Variants in HCN4 observed in about 807,000 individuals in gnomAD.
The protein encoded by HCN4 is hyperpolarization activated cyclic nucleotide gated potassium channel 4.
HCN4 carries 29 observed loss-of-function variants against 76.9 expected under a neutral mutation model. The ratio of observed to expected loss-of-function variants is 0.38; its 90% CI spans 0.28 to 0.51. The LOEUF (loss-of-function observed/expected upper bound fraction) is 0.51, where lower values mean the gene tolerates loss of function less well. Among genes scored for constraint, HCN4 ranks in the 20% least tolerant of loss-of-function variants. The pLI is 0.90. For synonymous variants in HCN4, 772 were observed against 762.5 expected (o/e 1.01, Z -0.21); for missense variants, 1,416 against 1,715.2 (o/e 0.83, Z 3.08).
chr15:73,322,862 G>A lies in HCN4; in HGVS notation c.3231C>T (p.Gly1077=). 1 of 1,494,070 alleles carries A rather than the reference G, an allele frequency of 6.7e-7. No homozygotes were observed. The highest frequency in any genetic ancestry group is 8.9e-7 in the Non-Finnish European group (1 of 1,125,542). The allele number at this position is 1,494,070 out of a possible 1,614,324, so 92.6% of individuals were successfully genotyped here. A position where few individuals can be genotyped will look rare whatever the true frequency, so the allele number is the denominator to read the frequency against. ...QRRGTPPLTP[G]RLTQDLKLIS... ...TGAGCTTGAGGTCCTGGGTGAGGCG[G>A]CCGGGGGTGAGCGGGGGTGTGCCCC... The change falls in exon 8 of 8, where the codon GGC becomes GGT. Residue 1077 remains glycine (G), a synonymous_variant. Coordinates refer to ENST00000261917, the MANE Select transcript of HCN4 (RefSeq NM_005477.3).
chr15:73,367,870 T>A lies in HCN4; in HGVS notation c.401A>T (p.Glu134Val). The change falls in exon 1 of 8, where the codon GAG becomes GTG. Residue 134 changes from glutamate (E) to valine (V), a missense_variant. Glu to Val is a moderately radical substitution (Grantham distance 121). Coordinates refer to ENST00000261917, the MANE Select transcript of HCN4 (RefSeq NM_005477.3). The surrounding 1 kb of genome is among the most constrained non-coding windows in gnomAD (Gnocchi z 7.5). ...GTCCTCGCCGGGGGACGCGTCGCCC[T>A]CGGCGATGAGCCGCCGCTCCTCCGC... The part of the protein sequence containing the change: ...DSAEERRLIA[E>V]GDASPGEDRT... The A allele has an allele frequency of 1.5e-6, 2 of 1,333,902 alleles. No homozygotes were observed. Among genetic ancestry groups the A allele is most frequent in the Non-Finnish European group, 1.9e-6 (2 of 1,040,036 alleles). The allele number at this position is 1,333,902 out of a possible 1,614,324, so 82.6% of individuals were successfully genotyped here.
Position 73,323,825 on chromosome 15 carries a change from C to T in HCN4, c.2268G>A (p.Ala756=), listed in dbSNP as rs781114942. 34 of 1,606,106 alleles carry T rather than the reference C, an allele frequency of 2.1e-5. No homozygotes were observed. The East Asian group carries it at 3.3e-4, about 16-fold the overall frequency. ...VQHDREMAHC[A]HRVQAAASAT... The stretch of plus-strand genomic sequence containing the variant: ...CAGAGGCAGCAGCCTGGACGCGGTG[C>T]GCGCAGTGGGCCATCTCCCGGTCAT... Residue 756 remains alanine (A), a synonymous_variant, in exon 8 of 8, where the codon GCG becomes GCA. Coordinates refer to ENST00000261917, the MANE Select transcript of HCN4 (RefSeq NM_005477.3).
Position 73,368,487 on chromosome 15 carries a change from C to A in HCN4, c.-217G>T. The A allele has an allele frequency of 2.9e-6, 1 of 350,600 alleles. No homozygotes were observed. 21.7% of individuals were successfully genotyped at this position (350,600 alleles called of 1,614,324 possible). Reference sequence around the variant, plus strand: ...GGGCTCGCCGCGCTACACCTCCTCCCGGGCCCGGCTGGGCGCGGGGACCCC... The same window carrying A: ...GGGCTCGCCGCGCTACACCTCCTCCAGGGCCCGGCTGGGCGCGGGGACCCC... On this transcript the variant is annotated 5_prime_UTR_variant, in exon 1 of 8. Coordinates refer to ENST00000261917, the MANE Select transcript of HCN4 (RefSeq NM_005477.3). The surrounding 1 kb of genome is among the most constrained non-coding windows in gnomAD (Gnocchi z 6.9).
At chr15:73,366,496 C>T (rs888052244) in intron 1 of HCN4, among the ~76,000 whole-genome samples, 3 of 152,182 alleles carry the variant, frequency 2.0e-5, no homozygotes, top group Non-Finnish European at 2.9e-5. Context: ...TCACGAAAGC[C>T]CAGAGGGGCA....
chr15:73,356,340 A>T (rs1454614205), intron 1 of HCN4, among the ~76,000 whole-genome samples: 2 of 146,510 alleles, frequency 1.4e-5, no homozygotes, highest in Non-Finnish European at 3.0e-5. Context: ...GGCACACACT[A>T]CCATGCCCAG....
At chr15:73,364,271 T>C (rs1378305982) in intron 1 of HCN4, among the ~76,000 whole-genome samples, 1 of 151,724 alleles carries the variant, frequency 6.6e-6, no homozygotes, top group Non-Finnish European at 1.5e-5. Flanking sequence ...AGCTTCCACA[T>C]CCACCCACAC....
chr15:73,339,171 C>A (rs1183679955), intron 2 of HCN4, among the ~76,000 whole-genome samples: 1 of 152,230 alleles, frequency 6.6e-6, no homozygotes, highest in Admixed American at 6.5e-5. Flanking sequence ...TAACAATAGC[C>A]TCCATGCCTG....
At chr15:73,327,520 C>A (rs1241629917) in intron 4 of HCN4, among the ~76,000 whole-genome samples, 3 of 152,158 alleles carry the variant, frequency 2.0e-5, no homozygotes, top group Admixed American at 6.5e-5. Flanking sequence ...ACCCCAGTCA[C>A]AGGCTGGGCA....
chr15:73,348,427 C>T (rs1294735463), intron 1 of HCN4, among the ~76,000 whole-genome samples: 1 of 152,266 alleles, frequency 6.6e-6, no homozygotes, highest in African/African-American at 2.4e-5. Flanking sequence ...CATGCACACC[C>T]ACATGCAATA....
chr15:73,367,860 C>A lies in HCN4; in HGVS notation c.411G>T (p.Ala137=). Residue 137 remains alanine (A), a synonymous_variant, in exon 1 of 8, where the codon GCG becomes GCT. Coordinates refer to ENST00000261917, the MANE Select transcript of HCN4 (RefSeq NM_005477.3). This position sits in a 1 kb window ranked among gnomAD's most constrained non-coding sequence, Gnocchi z 7.5. ...GGGGCGTCCTGTCCTCGCCGGGGGA[C>A]GCGTCGCCCTCGGCGATGAGCCGCC... ...EERRLIAEGD[A]SPGEDRTPPG... is the part of the protein sequence containing the mutation. 2.3e-6 allele frequency: 3 copies of A among 1,313,816 alleles called. No individual in the cohort carries two copies. Among genetic ancestry groups the A allele is most frequent in the Middle Eastern group, 2.8e-4 (1 of 3,522 alleles). The allele number at this position is 1,313,816 out of a possible 1,614,324, so 81.4% of individuals were successfully genotyped here. A position where few individuals can be genotyped will look rare whatever the true frequency, so the allele number is the denominator to read the frequency against.
At chr15:73,341,379 C>T (rs2043001669) in intron 2 of HCN4, among the ~76,000 whole-genome samples, 1 of 152,162 alleles carries the variant, frequency 6.6e-6, no homozygotes, top group Admixed American at 6.5e-5. Flanking sequence ...TGGCCTCAAG[C>T]AATCCACCCA....
intron 1 of HCN4, among the ~76,000 whole-genome samples, chr15:73,356,000 C>G (rs887257174): frequency 6.6e-6 from 1 of 152,168 alleles, no homozygotes; most frequent in Admixed American, 6.5e-5. Flanking sequence ...TCTGTCCTCC[C>G]ACTCAGGAGA....
At position 73,325,383 on chromosome 15, in the gene HCN4, A is replaced by C; in HGVS notation, c.1652T>G (p.Ile551Ser). Reference protein sequence around the residue: ...HKLPPDTRQRIHDYYEHRYQG... With the variant: ...HKLPPDTRQRSHDYYEHRYQG... ...GTAGCGGTGCTCGTAGTAGTCGTGG[A>C]TGCGCTGCCGGGTGTCGGGCGGGAG... Residue 551 changes from isoleucine (I) to serine (S), a missense_variant, in exon 5 of 8, where the codon ATC (isoleucine) becomes AGC (serine). Ile to Ser is a moderately radical substitution (Grantham distance 142). Transcript: ENST00000261917. This position sits in a 1 kb window ranked among gnomAD's most constrained non-coding sequence, Gnocchi z 7.4. 6.2e-7 allele frequency: 1 copy of C among 1,614,082 alleles called. No homozygotes were observed. The highest frequency in any genetic ancestry group is 8.5e-7 in the Non-Finnish European group (1 of 1,179,990).
intron 2 of HCN4, chr15:73,341,097 T>TGTGTGTGTGTGC (rs2042999787): frequency 6.6e-6 from 1 of 151,560 alleles, no homozygotes; most frequent in African/African-American, 2.4e-5. Flanking sequence ...TGTGTGTGTG[T>TGTGTGTGTGTGC]GTGTGTATAA....
chr15:73,359,991 G>T (rs2043097882), intron 1 of HCN4, among the ~76,000 whole-genome samples: 1 of 152,206 alleles, frequency 6.6e-6, no homozygotes. Flanking sequence ...AGGAAGAGGA[G>T]GTGAGCTGGC....
chr15:73,356,053 A>G (rs2043077836), intron 1 of HCN4, among the ~76,000 whole-genome samples: 2 of 152,186 alleles, frequency 1.3e-5, no homozygotes, highest in East Asian at 3.9e-4. Context: ...GCACGGGAGC[A>G]CACCCTCTGG....
chr15:73,343,903 G>T lies in HCN4; in HGVS notation c.786-95C>A, dbSNP rs1595829314. 7.5e-7 allele frequency: 1 copy of T among 1,334,568 alleles called. No individual in the cohort carries two copies. Among genetic ancestry groups the T allele is most frequent in the Admixed American group, 1.7e-5 (1 of 58,094 alleles). The allele number at this position is 1,334,568 out of a possible 1,614,324, so 82.7% of individuals were successfully genotyped here. ...TCTGAGGGACAGCATCTGGGACAGA[G>T]AAGTCTTGGGAGGTTCTGAGACAGG... On this transcript the variant is annotated intron_variant, in intron 1 of 7. Transcript: ENST00000261917. This position sits in a 1 kb window ranked among gnomAD's most constrained non-coding sequence, Gnocchi z 5.7.
Position 73,343,933 on chromosome 15 carries a change from C to T in HCN4, c.786-125G>A. 1 of 933,900 alleles carries T rather than the reference C, an allele frequency of 1.1e-6. No homozygotes were observed. Among genetic ancestry groups the T allele is most frequent in the South Asian group, 1.4e-5 (1 of 73,726 alleles). 57.9% of individuals were successfully genotyped at this position (933,900 alleles called of 1,614,324 possible). A position where few individuals can be genotyped will look rare whatever the true frequency, so the allele number is the denominator to read the frequency against. On this transcript the variant is annotated intron_variant, in intron 1 of 7. Transcript: ENST00000261917. This position sits in a 1 kb window ranked among gnomAD's most constrained non-coding sequence, Gnocchi z 5.7. ...CTTGGGAGGTTCTGAGACAGGAAGACAGGCACATGGGTACCAGGGCAAGAT... is the reference window on the plus strand; with the variant it reads ...CTTGGGAGGTTCTGAGACAGGAAGATAGGCACATGGGTACCAGGGCAAGAT...
At chr15:73,342,693 A>G (rs1180014206) in intron 2 of HCN4, among the ~76,000 whole-genome samples, 1 of 152,202 alleles carries the variant, frequency 6.6e-6, no homozygotes, top group East Asian at 1.9e-4. Flanking sequence ...CTGGGAATGC[A>G]TCCCCAAAAC....
Sources: allele counts gnomAD v4.1 joint callset (sites outside exome capture counted in the v4.1 genomes callset), GRCh38; gene constraint gnomAD v4.1.1; non-coding constraint Gnocchi (gnomAD v3.1); transcripts MANE v1.5; gene names NCBI Gene and HGNC (gene_info 2026-07-23, HGNC 2026-07-21).